Variants in SGCZ observed in about 807,000 individuals in gnomAD.
The protein encoded by SGCZ is zeta-sarcoglycan.
In SGCZ, 40 loss-of-function variants were observed where a neutral mutation model predicts 41.3. The ratio of observed to expected loss-of-function variants is 0.97; its 90% CI spans 0.75 to 1.26. SGCZ has a LOEUF of 1.26. Among genes scored for constraint, SGCZ ranks in the 50% most tolerant of loss-of-function variants. The probability of loss-of-function intolerance (pLI) is 0.00; values close to 1 mark genes in which losing one functional copy is unlikely to be tolerated. For synonymous variants in SGCZ, 206 were observed against 137.5 expected (o/e 1.50, Z -3.49); for missense variants, 552 against 369.8 (o/e 1.49, Z -4.04).
chr8:14,865,372 C>G (rs1204411349), intron 1 of SGCZ, among the ~76,000 whole-genome samples: 1 of 152,058 alleles, frequency 6.6e-6, no homozygotes, highest in East Asian at 1.9e-4. Context: ...CCCTACCTCA[C>G]CTTCCTATGA....
intron 1 of SGCZ, among the ~76,000 whole-genome samples, chr8:15,140,820 A>G (rs983074408): frequency 6.6e-6 from 1 of 152,170 alleles, no homozygotes; most frequent in South Asian, 2.1e-4. Flanking sequence ...ATTCATTTCT[A>G]TCTTCTCATG....
At chr8:15,154,129 G>A (rs1799258549) in intron 1 of SGCZ, among the ~76,000 whole-genome samples, 1 of 152,160 alleles carries the variant, frequency 6.6e-6, no homozygotes, top group Admixed American at 6.5e-5. Flanking sequence ...TTCCTAACAG[G>A]CCATGAACTG....
chr8:14,547,760 C>G (rs1803675260), intron 2 of SGCZ, among the ~76,000 whole-genome samples: 1 of 152,134 alleles, frequency 6.6e-6, no homozygotes, highest in Non-Finnish European at 1.5e-5. Context: ...TGCTAAGAAG[C>G]TAGTCTTGGA....
At chr8:14,097,801 CTTAGATCTTCTTGTTTCA>C (rs1347523245) in intron 7 of SGCZ, among the ~76,000 whole-genome samples, 3 of 152,012 alleles carry the variant, frequency 2.0e-5, no homozygotes, top group Non-Finnish European at 2.9e-5. Flanking sequence ...ATTTAGGATA[CTTAGATCTTCTTGTTTCA>C]TTAATCTCTT....
intron 1 of SGCZ, among the ~76,000 whole-genome samples, chr8:14,758,329 T>A: frequency 6.6e-6 from 1 of 152,314 alleles, no homozygotes; most frequent in African/African-American, 2.4e-5. Flanking sequence ...CCCTGAACTT[T>A]ACAATTGCAG....
chr8:14,293,178 T>A (rs1229539554), intron 3 of SGCZ, among the ~76,000 whole-genome samples: 1 of 151,996 alleles, frequency 6.6e-6, no homozygotes, highest in Non-Finnish European at 1.5e-5. Context: ...CAAAAGAATA[T>A]GTGATAAATC....
intron 1 of SGCZ, among the ~76,000 whole-genome samples, chr8:14,962,616 T>A (rs1800999178): frequency 6.6e-6 from 1 of 152,198 alleles, no homozygotes; most frequent in Non-Finnish European, 1.5e-5. Flanking sequence ...AAATTCATTT[T>A]TATGTATCTG....
At chr8:14,470,740 T>C (rs931366723) in intron 2 of SGCZ, among the ~76,000 whole-genome samples, 1 of 152,160 alleles carries the variant, frequency 6.6e-6, no homozygotes. Context: ...GTATAAAAAG[T>C]GCCAAATGTA....
At chr8:15,060,183 G>A (rs561207273) in intron 1 of SGCZ, among the ~76,000 whole-genome samples, 1 of 152,050 alleles carries the variant, frequency 6.6e-6, no homozygotes, top group Non-Finnish European at 1.5e-5. Flanking sequence ...ATACCCAAAG[G>A]ATTATAATTC....
intron 2 of SGCZ, among the ~76,000 whole-genome samples, chr8:14,328,221 G>T (rs566587116): frequency 9.7e-4 from 147 of 152,268 alleles, no homozygotes; most frequent in Admixed American, 2.8e-3. Flanking sequence ...GATGAAATTT[G>T]CTTTTCCTTC....
At chr8:14,238,900 C>G (rs1041537640) in intron 3 of SGCZ, among the ~76,000 whole-genome samples, 11 of 151,512 alleles carry the variant, frequency 7.3e-5, no homozygotes, top group African/African-American at 2.7e-4. Flanking sequence ...TATACAAGTG[C>G]TTTCATATGT....
At chr8:15,102,539 T>A (rs1462237507) in intron 1 of SGCZ, among the ~76,000 whole-genome samples, 2 of 150,518 alleles carry the variant, frequency 1.3e-5, no homozygotes, top group Admixed American at 1.3e-4. Context: ...TAATGATGTA[T>A]CCATATTGGT....
intron 1 of SGCZ, among the ~76,000 whole-genome samples, chr8:15,152,311 A>G (rs1799200397): frequency 6.6e-6 from 1 of 152,224 alleles, no homozygotes; most frequent in Non-Finnish European, 1.5e-5. Flanking sequence ...TGTAAAAACA[A>G]GGATAAGTGG....
At chr8:14,782,743 A>T (rs1227068605) in intron 1 of SGCZ, among the ~76,000 whole-genome samples, 2 of 152,206 alleles carry the variant, frequency 1.3e-5, no homozygotes, top group Admixed American at 1.3e-4. Flanking sequence ...TTATACTCCA[A>T]GGATACTACC....
intron 1 of SGCZ, among the ~76,000 whole-genome samples, chr8:15,197,184 A>G (rs1309446835): frequency 6.6e-6 from 1 of 152,236 alleles, no homozygotes; most frequent in African/African-American, 2.4e-5. Flanking sequence ...TGCCACACAC[A>G]GTGTGCTTCA....
intron 1 of SGCZ, among the ~76,000 whole-genome samples, chr8:14,621,222 G>A (rs1806274028): frequency 6.8e-6 from 1 of 146,304 alleles, no homozygotes; most frequent in African/African-American, 2.5e-5. Flanking sequence ...TCACTCATAG[G>A]TGGGAATTGA....
chr8:14,210,083 G>T (rs1367925920), intron 4 of SGCZ, among the ~76,000 whole-genome samples: 1 of 151,960 alleles, frequency 6.6e-6, no homozygotes, highest in African/African-American at 2.4e-5. Flanking sequence ...TTTGAGACAG[G>T]GTCTCACTCT....
chr8:14,805,396 A>C lies in SGCZ; in HGVS notation c.40-250470T>G, dbSNP rs368359799. ...AAGGATGGAGGAAGATCTACCAAGCAAATGGAAAACAAAAAAAGGCAGGGG... is the reference window on the plus strand; with the variant it reads ...AAGGATGGAGGAAGATCTACCAAGCCAATGGAAAACAAAAAAAGGCAGGGG... On this transcript the variant is annotated intron_variant, in intron 1 of 7. Coordinates refer to ENST00000382080, the MANE Select transcript of SGCZ (RefSeq NM_139167.4). 2.5e-3 allele frequency among the ~76,000 whole-genome samples: 237 copies of C among 93,124 alleles called. 1 individual carries two copies. Among genetic ancestry groups the C allele is most frequent in the East Asian group, 7.4e-3 (22 of 2,982 alleles). The allele number at this position is 93,124 out of a possible 152,430, so 61.1% of individuals were successfully genotyped here.
At chr8:14,483,540 C>A (rs1045457238) in intron 2 of SGCZ, among the ~76,000 whole-genome samples, 2 of 152,166 alleles carry the variant, frequency 1.3e-5, no homozygotes, top group Non-Finnish European at 2.9e-5. Flanking sequence ...TCCTGCATTC[C>A]AGGCTAGGCA....
Sources: gnomAD v4.1 joint callset for allele counts (sites outside exome capture counted in the v4.1 genomes callset) on GRCh38, gnomAD v4.1.1 for gene constraint, MANE v1.5 for transcripts, NCBI Gene and HGNC (gene_info 2026-07-23, HGNC 2026-07-21) for gene names.